KIF5C: variants seen among roughly 807,000 people sequenced by gnomAD.
KIF5C encodes kinesin heavy chain isoform 5C.
A neutral mutation model predicts 125.2 loss-of-function variants in KIF5C; 18 were observed. The ratio of observed to expected loss-of-function variants is 0.14; its 90% confidence interval spans 0.10 to 0.21. The LOEUF is 0.21. KIF5C is among the 10% of genes least tolerant of loss of function. The pLI is 1.00. For synonymous variants in KIF5C, 405 were observed against 434.0 expected (o/e 0.93, Z 0.83); for missense variants, 780 against 1,183.8 (o/e 0.66, Z 5.01).
intron 22 of KIF5C, among the ~76,000 whole-genome samples, chr2:149,006,317 T>C (rs779162243): frequency 2.0e-5 from 3 of 152,070 alleles, no homozygotes; most frequent in Non-Finnish European, 4.4e-5. Context: ...ATAGTGTAGA[T>C]GGATGTATTA....
chr2:148,904,073 G>A (rs1323807878), intron 1 of KIF5C, among the ~76,000 whole-genome samples: 1 of 152,150 alleles, frequency 6.6e-6, no homozygotes, highest in Non-Finnish European at 1.5e-5. Context: ...AACCTTCTTA[G>A]CACACACCAG....
rs1439554931 is a variant in KIF5C, at chr2:148,978,993, A to G, written c.1362+3A>G. On this transcript the variant is annotated splice_donor_region_variant and intron_variant, in intron 13 of 25. Coordinates refer to ENST00000435030, the MANE Select transcript of KIF5C (RefSeq NM_004522.3). The stretch of plus-strand genomic sequence containing the variant: ...AACAGATGTTGGATCAGGATGAGGT[A>G]AAGAATGCAATATATTTTTTTTTCC... 6.4e-7 allele frequency: 1 copy of G among 1,570,288 alleles called. No individual in the cohort carries two copies. The highest frequency in any genetic ancestry group is 8.6e-7 in the Non-Finnish European group (1 of 1,158,182).
chr2:148,967,436 G>A (rs150496526), intron 11 of KIF5C, among the ~76,000 whole-genome samples: 66 of 152,290 alleles, frequency 4.3e-4, no homozygotes, highest in African/African-American at 1.6e-3. Context: ...CCTTCTGTAT[G>A]TGATTATGTT....
chr2:148,965,254 A>G (rs951865955), intron 11 of KIF5C, among the ~76,000 whole-genome samples: 3 of 148,198 alleles, frequency 2.0e-5, no homozygotes, highest in African/African-American at 7.6e-5. Context: ...AGTTGGAGTC[A>G]TCAGTCTTTT....
At chr2:148,895,876 C>CACACACACACACACA (rs1558876307) in intron 1 of KIF5C, among the ~76,000 whole-genome samples, 2 of 27,084 alleles carry the variant, frequency 7.4e-5, no homozygotes, top group Non-Finnish European at 1.5e-4. Context: ...ACACACACAC[C>CACACACACACACACA]CACAGAGATC....
chr2:148,958,475 T>A (rs769943596), intron 10 of KIF5C, among the ~76,000 whole-genome samples: 6 of 152,192 alleles, frequency 3.9e-5, no homozygotes, highest in Non-Finnish European at 5.9e-5. Context: ...TATTGGCACT[T>A]CTTTTATAAA....
intron 12 of KIF5C, among the ~76,000 whole-genome samples, chr2:148,976,619 G>A (rs1039316569): frequency 6.6e-6 from 1 of 151,154 alleles, no homozygotes; most frequent in Non-Finnish European, 1.5e-5. Context: ...CTGTTGCGCA[G>A]ACTAGAGTGC....
intron 22 of KIF5C, among the ~76,000 whole-genome samples, chr2:149,007,201 C>T (rs1335407446): frequency 6.6e-6 from 1 of 152,172 alleles, no homozygotes; most frequent in African/African-American, 2.4e-5. Context: ...CAGTTTTAGA[C>T]TGAAGAGCTG....
intron 23 of KIF5C, among the ~76,000 whole-genome samples, chr2:149,009,827 CCCCTTTCCTCTACA>C (rs1462023477): frequency 6.6e-6 from 1 of 152,132 alleles, no homozygotes; most frequent in African/African-American, 2.4e-5. Flanking sequence ...TCACACAATC[CCCCTTTCCTCTACA>C]CACACCCAAA....
intron 23 of KIF5C, 144 bp from the exon 24 acceptor site, chr2:149,009,991 C>T: frequency 1.5e-6 from 2 of 1,348,798 alleles, no homozygotes; most frequent in Non-Finnish European, 9.9e-7. Flanking sequence ...CTGAGTTTTC[C>T]TTTCCTTTCT....
chr2:148,911,367 T>C (rs2105067767), intron 1 of KIF5C, among the ~76,000 whole-genome samples: 1 of 152,300 alleles, frequency 6.6e-6, no homozygotes, highest in East Asian at 1.9e-4. Context: ...CCAGGGGGGC[T>C]GCTGAGCAGA....
chr2:148,975,952 G>A (rs1681051649), intron 12 of KIF5C, among the ~76,000 whole-genome samples: 1 of 152,122 alleles, frequency 6.6e-6, no homozygotes, highest in African/African-American at 2.4e-5. Context: ...GCTGGGCTCT[G>A]CTTACTTCCG....
At chr2:148,962,755 G>T (rs1409625199) in intron 11 of KIF5C, among the ~76,000 whole-genome samples, 1 of 152,166 alleles carries the variant, frequency 6.6e-6, no homozygotes, top group Non-Finnish European at 1.5e-5. Context: ...CTATTTGTAG[G>T]TTAGAGGAAA....
chr2:148,926,714 A>G (rs998917118), intron 2 of KIF5C, among the ~76,000 whole-genome samples: 1 of 152,118 alleles, frequency 6.6e-6, no homozygotes, highest in African/African-American at 2.4e-5. Context: ...ACAAACAGAA[A>G]AGAAGCCCCC....
At position 149,005,285 on chromosome 2, in the gene KIF5C, C is replaced by T. The variant is rs150337315; in HGVS notation, c.2374-108C>T. 3,701 of 1,514,936 alleles carry T rather than the reference C, an allele frequency of 2.4e-3. 29 individuals carry two copies. The highest frequency in any genetic ancestry group is 0.017 in the South Asian group (1,328 of 80,116). 93.8% of individuals were successfully genotyped at this position (1,514,936 alleles called of 1,614,324 possible). A position where few individuals can be genotyped will look rare whatever the true frequency, so the allele number is the denominator to read the frequency against. On this transcript the variant is annotated intron_variant, in intron 21 of 25. Coordinates refer to ENST00000435030, the MANE Select transcript of KIF5C (RefSeq NM_004522.3). ...TGTCACAGGGAAGGGGGTGCACCAG[C>T]GGCGTCCATGGCAGGCTTGGGAAGT...
At chr2:148,998,865 G>GAA (rs11437473) in intron 19 of KIF5C, 129 of 138,390 alleles carry the variant, frequency 9.3e-4, no homozygotes, top group South Asian at 3.1e-3. Context: ...GAAAAGAAAA[G>GAA]AAAAAAAAAA....
At chr2:148,882,802 T>G (rs528419579) in intron 1 of KIF5C, among the ~76,000 whole-genome samples, 65 of 152,342 alleles carry the variant, frequency 4.3e-4, no homozygotes, top group African/African-American at 1.5e-3. Context: ...AGCATCACTG[T>G]ACTTTGCCCT....
At chr2:149,022,688 C>A (rs1682567171) in intron 25 of KIF5C, among the ~76,000 whole-genome samples, 1 of 152,006 alleles carries the variant, frequency 6.6e-6, no homozygotes, top group African/African-American at 2.4e-5. Context: ...CTTTGGGAGG[C>A]CGAGGTGGGT....
intron 4 of KIF5C, among the ~76,000 whole-genome samples, chr2:148,940,198 A>G (rs1347994264): frequency 1.3e-5 from 2 of 152,214 alleles, no homozygotes; most frequent in African/African-American, 4.8e-5. Context: ...TGGGTTAGAG[A>G]TGTCCAGGAT....
Sources: allele counts gnomAD v4.1 joint callset (sites outside exome capture counted in the v4.1 genomes callset), GRCh38; gene constraint gnomAD v4.1.1; transcripts MANE v1.5; gene names NCBI Gene and HGNC (gene_info 2026-07-23, HGNC 2026-07-21).